TULP4: variants seen among roughly 807,000 people sequenced by gnomAD.
TULP4 encodes the protein tubby-related protein 4.
A neutral mutation model predicts 129.0 loss-of-function variants in TULP4; 16 were observed. The ratio of observed to expected loss-of-function variants is 0.12; its 90% CI spans 0.08 to 0.19. The LOEUF is 0.19. TULP4 is among the 10% of genes least tolerant of loss of function. TULP4 has a pLI of 1.00. For missense variants in TULP4, 1,842 were observed against 2,059.1 expected, an observed-to-expected ratio of 0.89 and a Z score of 2.04; for synonymous variants, 998 against 854.0, an observed-to-expected ratio of 1.17 and a Z score of -2.94.
At chr6:158,314,659 T>C (rs757789462) in intron 1 of TULP4, among the ~76,000 whole-genome samples, 2 of 152,184 alleles carry the variant, frequency 1.3e-5, no homozygotes, top group Non-Finnish European at 2.9e-5. Context: ...CCCCCACCCC[T>C]GATGTCCCAC....
intron 6 of TULP4, among the ~76,000 whole-genome samples, chr6:158,463,452 A>C (rs1197263967): frequency 1.3e-5 from 2 of 151,766 alleles, no homozygotes; most frequent in Admixed American, 6.6e-5. Context: ...ATGAACAAGA[A>C]TCTGTGTCCT....
chr6:158,249,127 G>A (rs1184885217), intron 1 of TULP4, among the ~76,000 whole-genome samples: 1 of 151,310 alleles, frequency 6.6e-6, no homozygotes, highest in Non-Finnish European at 1.5e-5. Context: ...TTGGGTCATA[G>A]GAGAAGCCCA....
At chr6:158,483,070 T>C (rs565134387) in intron 8 of TULP4, among the ~76,000 whole-genome samples, 21 of 152,222 alleles carry the variant, frequency 1.4e-4, no homozygotes, top group African/African-American at 5.1e-4. Flanking sequence ...CTACCTTGTG[T>C]GGGGTACTTG....
At chr6:158,474,723 G>A (rs1234809176) in intron 6 of TULP4, among the ~76,000 whole-genome samples, 2 of 152,270 alleles carry the variant, frequency 1.3e-5, no homozygotes, top group Non-Finnish European at 2.9e-5. Context: ...GACCAGAATT[G>A]TTGTGGATTT....
At chr6:158,335,545 A>G (rs1187052492) in intron 1 of TULP4, among the ~76,000 whole-genome samples, 1 of 152,216 alleles carries the variant, frequency 6.6e-6, no homozygotes, top group Admixed American at 6.5e-5. Context: ...AAGTAACATT[A>G]CATTCATCCC....
In TULP4 at chr6:158,313,878, G is replaced by T; in HGVS notation, c.-139G>T. ...TTATAAAATACTGACCTTCTAATTAGATTCAGGTCAGTCTTAATTAAAGGG... is the reference window on the plus strand; with the variant it reads ...TTATAAAATACTGACCTTCTAATTATATTCAGGTCAGTCTTAATTAAAGGG... On this transcript the variant is annotated 5_prime_UTR_variant, in exon 1 of 14. Transcript: ENST00000367097. The T allele has an allele frequency of 2.2e-6, 2 of 904,178 alleles. No individual in the cohort carries two copies. Among genetic ancestry groups the T allele is most frequent in the South Asian group, 3.7e-5 (2 of 54,624 alleles). The allele number at this position is 904,178 out of a possible 1,614,324, so 56.0% of individuals were successfully genotyped here.
At chr6:158,432,104 A>AG (rs1778642238) in intron 3 of TULP4, among the ~76,000 whole-genome samples, 1 of 150,320 alleles carries the variant, frequency 6.7e-6, no homozygotes, top group Non-Finnish European at 1.5e-5. Context: ...CTGAAAAAAA[A>AG]AAAAATTAAA....
intron 1 of TULP4, among the ~76,000 whole-genome samples, chr6:158,249,442 G>A (rs1778096571): frequency 6.6e-6 from 1 of 152,186 alleles, no homozygotes; most frequent in Non-Finnish European, 1.5e-5. Context: ...GAGAATGAAA[G>A]TGGCACGCAT....
intron 1 of TULP4, among the ~76,000 whole-genome samples, chr6:158,302,743 G>A (rs781326928): frequency 6.6e-6 from 1 of 152,002 alleles, no homozygotes; most frequent in East Asian, 1.9e-4. Context: ...GACCGAGTCC[G>A]GGAACAAACC....
intron 1 of TULP4, among the ~76,000 whole-genome samples, chr6:158,399,499 G>T (rs1197740950): frequency 1.3e-5 from 2 of 152,204 alleles, no homozygotes; most frequent in Admixed American, 1.3e-4. Context: ...AAGCTCGCAG[G>T]TGCTGCTGCT....
intron 5 of TULP4, among the ~76,000 whole-genome samples, chr6:158,456,833 CA>C (rs11354887): frequency 0.45 from 56,658 of 125,828 alleles, 12,236 homozygotes; most frequent in African/African-American, 0.63. Context: ...GACTCCATCT[CA>C]AAAAAAAAAA....
chr6:158,327,742 A>G lies in TULP4; in HGVS notation c.252+13474A>G, dbSNP rs568157873. Among the ~76,000 whole-genome samples, 101 of 150,244 alleles carry G rather than the reference A, an allele frequency of 6.7e-4. 1 individual carries two copies. Among genetic ancestry groups the G allele is most frequent in the African/African-American group, 2.1e-3 (86 of 40,882 alleles). On this transcript the variant is annotated intron_variant, in intron 1 of 13. Coordinates refer to ENST00000367097, the MANE Select transcript of TULP4 (RefSeq NM_020245.5). ...TTTAAAGAGGTGTGTGTGAGTGTGTATAGGGGTGGTTCTGTGTGAATCTCC... is the reference window on the plus strand; with the variant it reads ...TTTAAAGAGGTGTGTGTGAGTGTGTGTAGGGGTGGTTCTGTGTGAATCTCC...
chr6:158,371,353 C>A (rs532055251), intron 1 of TULP4, among the ~76,000 whole-genome samples: 1 of 152,174 alleles, frequency 6.6e-6, no homozygotes, highest in Non-Finnish European at 1.5e-5. Flanking sequence ...GAAGCTCATT[C>A]GGCCCCTGGA....
At chr6:158,312,074 C>T (rs137922031), upstream of TULP4, 651 of 397,786 alleles carry the variant, frequency 1.6e-3, 5 homozygotes, top group African/African-American at 0.012. Flanking sequence ...CAGGGCCTCC[C>T]AGCCGTGAAT....
chr6:158,324,709 ATC>A lies in TULP4; in HGVS notation c.252+10447_252+10448del, dbSNP rs576313063. ...CATTATTTAGTGTAGCCCTCATAAC[ATC>A]TCTCTACAGCTTTGTATTAATATCC... On this transcript the variant is annotated intron_variant, in intron 1 of 13. Coordinates refer to ENST00000367097, the MANE Select transcript of TULP4 (RefSeq NM_020245.5). 1.1e-4 allele frequency among the ~76,000 whole-genome samples: 16 copies of A among 152,298 alleles called. No homozygotes were observed. The East Asian group carries it at 2.7e-3, about 26-fold the overall frequency.
At chr6:158,477,581 T>C (rs1290819866) in intron 6 of TULP4, among the ~76,000 whole-genome samples, 2 of 152,082 alleles carry the variant, frequency 1.3e-5, no homozygotes, top group African/African-American at 4.8e-5. Flanking sequence ...CTCACACCAG[T>C]CAGAATGGCC....
In TULP4 at chr6:158,413,165, T is replaced by C; in HGVS notation, c.353T>C (p.Val118Ala). Residue 118 changes from valine (V) to alanine (A), a missense_variant, in exon 2 of 14, where the codon GTG (valine) becomes GCG (alanine). Val to Ala is a moderately conservative substitution (Grantham distance 64). This residue lies in a region of TULP4 where 151 missense variants were observed against 268.7 expected (regional missense o/e 0.56). Transcript: ENST00000367097. This position sits in a 1 kb window ranked among gnomAD's most constrained non-coding sequence, Gnocchi z 4.9. ...ATTCAGTACGAGGGCAGGTGGTCTG[T>C]GGAGCTGGTCAACGACCGCGGGGCG... ...VWIQYEGRWS[V>A]ELVNDRGAQV... 1 of 1,613,496 alleles carries C rather than the reference T, an allele frequency of 6.2e-7. No individual in the cohort carries two copies. The highest frequency in any genetic ancestry group is 8.5e-7 in the Non-Finnish European group (1 of 1,179,518).
chr6:158,258,474 T>C (rs1447248305), intron 1 of TULP4, among the ~76,000 whole-genome samples: 1 of 151,982 alleles, frequency 6.6e-6, no homozygotes, highest in African/African-American at 2.4e-5. Context: ...AGCTGATGAG[T>C]TGGTGTAGAA....
At chr6:158,242,773 C>T in intron 1 of TULP4, 1 of 400,980 alleles carries the variant, frequency 2.5e-6, no homozygotes, top group Non-Finnish European at 4.7e-6. Context: ...TACCGGTTCA[C>T]TTCACTCCAC....
Sources: gnomAD v4.1 joint callset for allele counts (sites outside exome capture counted in the v4.1 genomes callset) on GRCh38, gnomAD v4.1.1 for gene constraint, gnomAD v4.1.1 regional missense constraint, Gnocchi (gnomAD v3.1) non-coding constraint, MANE v1.5 for transcripts, NCBI Gene and HGNC (gene_info 2026-07-23, HGNC 2026-07-21) for gene names.